The following DDX46 variants were observed in gnomAD, a reference collection of about 807,000 sequenced individuals.
The protein encoded by DDX46 is probable ATP-dependent RNA helicase DDX46.
In DDX46, 30 loss-of-function variants were observed where a neutral mutation model predicts 134.9. The observed-to-expected ratio is 0.22, with a 90% CI of 0.17 to 0.30. The LOEUF (loss-of-function observed/expected upper bound fraction) is 0.30. DDX46 is among the 10% of genes least tolerant of loss of function. The pLI is 1.00. For synonymous variants in DDX46, 415 were observed against 404.1 expected (o/e 1.03, Z -0.32); for missense variants, 622 against 1,248.7 (o/e 0.50, Z 7.56).
chr5:134,778,099 T>C (rs1580783727), intron 6 of DDX46, among the ~76,000 whole-genome samples: 2 of 150,474 alleles, frequency 1.3e-5, no homozygotes, highest in South Asian at 4.2e-4. Context: ...GCTTACTGCA[T>C]CCTCCACCTC....
At chr5:134,795,905 A>G (rs1291931183) in intron 14 of DDX46, 83 bp from the exon 15 acceptor site, 5 of 1,229,002 alleles carry the variant, frequency 4.1e-6, no homozygotes, top group Non-Finnish European at 5.7e-6. Flanking sequence ...TCATTCATTC[A>G]CTACAAATAA....
rs573808511 is a variant in DDX46, at chr5:134,773,960, C to T, written c.613+99C>T. 1.9e-4 allele frequency: 238 copies of T among 1,230,294 alleles called. 2 individuals carry two copies. In the African/African-American group the frequency reaches 3.4e-3, roughly 18 times the overall value. The allele number at this position is 1,230,294 out of a possible 1,614,324, so 76.2% of individuals were successfully genotyped here. On this transcript the variant is annotated intron_variant, in intron 5 of 22. Coordinates refer to ENST00000452510, the MANE Select transcript of DDX46 (RefSeq NM_001300860.2). The stretch of plus-strand genomic sequence containing the variant: ...TTTTAATCTTTTTTATTGTTGAAAA[C>T]TATGCATAATATGCTGTTTACCATT...
intron 6 of DDX46, among the ~76,000 whole-genome samples, chr5:134,778,658 C>T (rs969918723): frequency 1.3e-5 from 2 of 152,126 alleles, no homozygotes; most frequent in African/African-American, 2.4e-5. Context: ...ACTGCAACTG[C>T]TGCCTCCCAA....
chr5:134,815,648 A>G, intron 18 of DDX46, among the ~76,000 whole-genome samples: 1 of 132,860 alleles, frequency 7.5e-6, no homozygotes, highest in Non-Finnish European at 1.5e-5. Flanking sequence ...CGGATCTTGC[A>G]GTGAGCTGAG....
Position 134,807,714 on chromosome 5 carries a change from G to T in DDX46, c.1955-34G>T. 3 of 1,556,888 alleles carry T rather than the reference G, an allele frequency of 1.9e-6. No individual in the cohort carries two copies. In the South Asian group the frequency reaches 3.6e-5, roughly 19 times the overall value. Reference sequence around the variant, plus strand: ...TCAGAAGACATGGAAAATTTAATTTGAACATGTTTTAAAGCTCTCTAATTT... The same window carrying T: ...TCAGAAGACATGGAAAATTTAATTTTAACATGTTTTAAAGCTCTCTAATTT... On this transcript the variant is annotated intron_variant, in intron 15 of 22. Coordinates refer to ENST00000452510, the MANE Select transcript of DDX46 (RefSeq NM_001300860.2).
At chr5:134,821,472 C>G (rs1246097795) in intron 21 of DDX46, among the ~76,000 whole-genome samples, 2 of 151,938 alleles carry the variant, frequency 1.3e-5, no homozygotes, top group Non-Finnish European at 2.9e-5. Flanking sequence ...CCACTGTGCC[C>G]CACCGTGTTA....
rs780717899 is a variant in DDX46, at chr5:134,818,967, C to T, written c.2940C>T (p.Pro980=). The T allele has an allele frequency of 9.9e-6, 16 of 1,613,810 alleles. No individual in the cohort carries two copies. In the South Asian group the frequency reaches 1.6e-4, roughly 17 times the overall value. Reference sequence around the variant, plus strand: ...CCTACTTCCCTCCTGGCAAAGAACCCAAGGAAGGCGAGCGGAAGATTTACT... The same window carrying T: ...CCTACTTCCCTCCTGGCAAAGAACCTAAGGAAGGCGAGCGGAAGATTTACT... ...RGTYFPPGKE[P]KEGERKIYLA... The change falls in exon 21 of 23, where the codon CCC becomes CCT. Residue 980 remains proline (P), a synonymous_variant. Coordinates refer to ENST00000452510, the MANE Select transcript of DDX46 (RefSeq NM_001300860.2).
chr5:134,820,076 C>T (rs1231402926), intron 21 of DDX46, among the ~76,000 whole-genome samples: 1 of 152,052 alleles, frequency 6.6e-6, no homozygotes, highest in African/African-American at 2.4e-5. Flanking sequence ...CATGCACCAC[C>T]ATGCCTGGCT....
Position 134,829,404 on chromosome 5 carries a change from C to G in DDX46, c.*698C>G, listed in dbSNP as rs1289586992. The stretch of plus-strand genomic sequence containing the variant: ...CAACTTCTGGCTCCATACCTAGCCC[C>G]TCTTTTATAATCTTCCTTAAAAGAA... On this transcript the variant is annotated 3_prime_UTR_variant, in exon 23 of 23. Transcript: ENST00000452510. 1 of 152,134 alleles carries G rather than the reference C, an allele frequency of 6.6e-6. No individual in the cohort carries two copies. Among genetic ancestry groups the G allele is most frequent in the Non-Finnish European group, 1.5e-5 (1 of 68,030 alleles). The allele number at this position is 152,134 out of a possible 1,614,324, so 9.4% of individuals were successfully genotyped here.
intron 6 of DDX46, among the ~76,000 whole-genome samples, chr5:134,780,095 T>A (rs1022528109): frequency 1.6e-5 from 2 of 125,970 alleles, no homozygotes; most frequent in East Asian, 2.8e-4. Flanking sequence ...CTGAAAAAAA[T>A]ATATGTGTGT....
intron 18 of DDX46, among the ~76,000 whole-genome samples, chr5:134,816,184 T>C (rs920258306): frequency 4.6e-5 from 7 of 152,220 alleles, no homozygotes; most frequent in Non-Finnish European, 7.3e-5. Context: ...ACGTGGTTCA[T>C]GCAATGTTGT....
chr5:134,782,474 T>A (rs1433577342), intron 8 of DDX46, among the ~76,000 whole-genome samples: 3 of 150,582 alleles, frequency 2.0e-5, no homozygotes, highest in Non-Finnish European at 4.4e-5. Context: ...ACCCCATCTC[T>A]ACTAAAAAAA....
At chr5:134,798,140 TACTC>T (rs919942085) in intron 15 of DDX46, among the ~76,000 whole-genome samples, 2 of 150,452 alleles carry the variant, frequency 1.3e-5, no homozygotes, top group Admixed American at 6.6e-5. Flanking sequence ...GTGTGGTAAA[TACTC>T]ACTATATAAA....
chr5:134,795,694 C>T (rs113109448), intron 14 of DDX46, among the ~76,000 whole-genome samples: 197 of 152,204 alleles, frequency 1.3e-3, no homozygotes, highest in African/African-American at 4.4e-3. Flanking sequence ...AGTGAGACCC[C>T]TGTCTCTACA....
intron 13 of DDX46, among the ~76,000 whole-genome samples, chr5:134,794,353 T>C (rs949954472): frequency 9.9e-5 from 15 of 152,206 alleles, no homozygotes; most frequent in African/African-American, 3.6e-4. Flanking sequence ...GTTGCAAACC[T>C]TCTGTAGGCT....
intron 13 of DDX46, among the ~76,000 whole-genome samples, chr5:134,792,416 G>A (rs981137300): frequency 2.6e-5 from 4 of 152,076 alleles, no homozygotes; most frequent in South Asian, 2.1e-4. Flanking sequence ...GTGAGGGAGC[G>A]GGGGCGGATA....
intron 18 of DDX46, among the ~76,000 whole-genome samples, chr5:134,813,782 A>T (rs1028961710): frequency 1.3e-5 from 2 of 151,208 alleles, no homozygotes; most frequent in Non-Finnish European, 2.9e-5. Context: ...CCCTGTTAAT[A>T]TATATTTTAA....
At position 134,758,843 on chromosome 5, in the gene DDX46, G is replaced by A. The variant is rs1288939667; in HGVS notation, c.-96G>A. On this transcript the variant is annotated 5_prime_UTR_variant, in exon 1 of 23. Coordinates refer to ENST00000452510, the MANE Select transcript of DDX46 (RefSeq NM_001300860.2). ...TAGGTGCTGCTAGTGTTTAGCGCTG[G>A]TCTTTGCCGGGCGTTGAGGGCAGCT... 28 of 1,588,946 alleles carry A rather than the reference G, an allele frequency of 1.8e-5. No homozygotes were observed. The Admixed American group carries it at 4.7e-4, about 27-fold the overall frequency.
intron 5 of DDX46, 98 bp downstream of exon 5, chr5:134,773,959 A>C: frequency 8.1e-7 from 1 of 1,233,492 alleles, no homozygotes; most frequent in Non-Finnish European, 1.1e-6. Context: ...ATTGTTGAAA[A>C]CTATGCATAA....
Sources: gnomAD v4.1 joint callset for allele counts (sites outside exome capture counted in the v4.1 genomes callset) on GRCh38, gnomAD v4.1.1 for gene constraint, MANE v1.5 for transcripts, NCBI Gene and HGNC (gene_info 2026-07-23, HGNC 2026-07-21) for gene names.